KALRN: variants seen among roughly 807,000 people sequenced by gnomAD.
KALRN encodes the protein kalirin.
KALRN carries 70 observed loss-of-function variants against 353.7 expected under a neutral mutation model. That is an observed-to-expected ratio of 0.20 (90% CI 0.16 to 0.24). The LOEUF is 0.24. KALRN is among the 10% of genes least tolerant of loss of function. The probability of loss-of-function intolerance (pLI) is 1.00; values close to 1 mark genes in which losing one functional copy is unlikely to be tolerated. For synonymous variants in KALRN, 1,391 were observed against 1,434.8 expected, an observed-to-expected ratio of 0.97 and a Z score of 0.69; for missense variants, 2,791 against 3,756.7, an observed-to-expected ratio of 0.74 and a Z score of 6.72.
chr3:124,276,760 C>T (rs946618181), intron 5 of KALRN, among the ~76,000 whole-genome samples: 2 of 152,218 alleles, frequency 1.3e-5, no homozygotes, highest in Non-Finnish European at 2.9e-5. Flanking sequence ...CCAAAATCAT[C>T]CAGTCCATGG....
intron 27 of KALRN, 143 bp downstream of exon 27, chr3:124,477,477 G>A (rs2061538245): frequency 3.1e-6 from 2 of 652,218 alleles, no homozygotes; most frequent in South Asian, 3.9e-5. Context: ...TGGAAAAAAA[G>A]CAAAAACAGT....
chr3:124,586,456 ACT>A (rs10575650), intron 34 of KALRN, among the ~76,000 whole-genome samples: 3,349 of 152,046 alleles, frequency 0.022, 102 homozygotes, highest in African/African-American at 0.076. Context: ...CTTCAGGGTA[ACT>A]CTCTGGGCGT....
At chr3:124,712,861 C>A (rs2062959062) in intron 57 of KALRN, 74 bp from the exon 58 acceptor site, 4 of 1,075,064 alleles carry the variant, frequency 3.7e-6, no homozygotes, top group Non-Finnish European at 5.5e-6. Flanking sequence ...TCCCACAAAA[C>A]TTTACTTATC....
chr3:124,100,909 C>T (rs1416523421), intron 1 of KALRN, among the ~76,000 whole-genome samples: 2 of 152,212 alleles, frequency 1.3e-5, no homozygotes, highest in Non-Finnish European at 2.9e-5. Flanking sequence ...ATTCTAATGG[C>T]AGCCAGAGTT....
intron 1 of KALRN, among the ~76,000 whole-genome samples, chr3:124,178,803 ATTTAT>A (rs1440839384): frequency 6.6e-6 from 1 of 152,290 alleles, no homozygotes; most frequent in Middle Eastern, 3.4e-3. Context: ...GCTACATTAA[ATTTAT>A]TTAAATATTT....
rs1361773277 is a variant in KALRN, at chr3:124,456,685, C to T, written c.3811C>T (p.His1271Tyr). The T allele has an allele frequency of 8.7e-6, 14 of 1,613,174 alleles. No homozygotes were observed. The highest frequency in any genetic ancestry group is 1.2e-5 in the Non-Finnish European group (14 of 1,179,476). Residue 1271 changes from histidine to tyrosine, a missense_variant, in exon 23 of 60, where the codon CAC (histidine) becomes TAC (tyrosine). Transcript: ENST00000682506. ...GGAGGTCAAGCTGCGGGACGCCAAC[C>T]ACGAAGTCAATGAAGAGAAGCGGAA... Reference protein sequence around the residue: ...DREVKLRDANHEVNEEKRKSA... With the variant: ...DREVKLRDANYEVNEEKRKSA...
rs181107244 is a variant in KALRN, at chr3:124,618,306, G to A, written c.5183-14114G>A. On this transcript the variant is annotated intron_variant, in intron 34 of 59. Transcript: ENST00000682506. ...TTTTTTTTGTATTTTTAGTAGAGAC[G>A]GAGTTTCACCATGTTAGCCAGGATG... is the stretch of plus-strand genomic sequence containing the variant. Among the ~76,000 whole-genome samples, 681 of 150,370 alleles carry A rather than the reference G, an allele frequency of 4.5e-3. 3 individuals are homozygous for A. The highest frequency in any genetic ancestry group is 0.016 in the African/African-American group (644 of 40,884).
intron 1 of KALRN, among the ~76,000 whole-genome samples, chr3:124,123,421 C>G (rs1419013378): frequency 6.6e-6 from 1 of 152,136 alleles, no homozygotes; most frequent in Non-Finnish European, 1.5e-5. Context: ...TAATCCACAG[C>G]AAAGCACTAA....
chr3:124,254,401 G>A (rs2071607426), intron 3 of KALRN, among the ~76,000 whole-genome samples: 1 of 132,488 alleles, frequency 7.5e-6, no homozygotes, highest in African/African-American at 3.1e-5. Context: ...TCAAGATCAA[G>A]TGTTCTATGC....
intron 34 of KALRN, among the ~76,000 whole-genome samples, chr3:124,620,519 A>T (rs2079146913): frequency 6.6e-6 from 1 of 152,192 alleles, no homozygotes; most frequent in African/African-American, 2.4e-5. Context: ...GCAGAAGTAA[A>T]TGGGTGTGTA....
At chr3:124,104,317 C>G (rs1458271178) in intron 1 of KALRN, among the ~76,000 whole-genome samples, 1 of 152,178 alleles carries the variant, frequency 6.6e-6, no homozygotes, top group African/African-American at 2.4e-5. Context: ...GTCTTCTTGT[C>G]TTCGTGAAGT....
At chr3:124,136,048 C>T (rs1156507167) in intron 1 of KALRN, among the ~76,000 whole-genome samples, 1 of 152,128 alleles carries the variant, frequency 6.6e-6, no homozygotes, top group Non-Finnish European at 1.5e-5. Context: ...ACAGTCTTTG[C>T]ACTCAGTATA....
chr3:124,295,531 A>T (rs545954332), intron 5 of KALRN, among the ~76,000 whole-genome samples: 1 of 152,228 alleles, frequency 6.6e-6, no homozygotes, highest in African/African-American at 2.4e-5. Flanking sequence ...TGGTTGAGGG[A>T]TCTGGTGCTG....
At chr3:124,518,956 A>G (rs1291722117) in intron 33 of KALRN, 1 of 990,690 alleles carries the variant, frequency 1.0e-6, no homozygotes, top group Non-Finnish European at 1.2e-6. Context: ...TCCCCACATC[A>G]TGAGAAAGAG....
Position 124,342,150 on chromosome 3 carries a change from C to CTTTATTTATTTATTTATTTA in KALRN, c.1648-4985_1648-4966dup, listed in dbSNP as rs6148051. Among the ~76,000 whole-genome samples, 868 of 150,724 alleles carry CTTTATTTATTTATTTATTTA rather than the reference C, an allele frequency of 5.8e-3. 4 individuals carry two copies. The highest frequency in any genetic ancestry group is 0.015 in the South Asian group (72 of 4,766). On this transcript the variant is annotated intron_variant, in intron 9 of 59. Coordinates refer to ENST00000682506, the MANE Select transcript of KALRN (RefSeq NM_001388419.1). Reference sequence around the variant, plus strand: ...ATTTCATTTAAGTCTGAGGGTATGCCTTTATTTATTTATTTATTTATTTAT... The same window carrying CTTTATTTATTTATTTATTTA: ...ATTTCATTTAAGTCTGAGGGTATGCCTTTATTTATTTATTTATTTATTTATTTATTTATTTATTTATTTAT...
chr3:124,720,834 G>A lies in KALRN; in HGVS notation c.*1364G>A, dbSNP rs1350795350. On this transcript the variant is annotated 3_prime_UTR_variant, in exon 60 of 60. Coordinates refer to ENST00000682506, the MANE Select transcript of KALRN (RefSeq NM_001388419.1). The stretch of plus-strand genomic sequence containing the variant: ...TCATGGGTTTTCTTTCTTTATTTTT[G>A]TTCATTTGTTTTGGAGGGAGGGAGC... The A allele has an allele frequency of 6.6e-6, 1 of 151,928 alleles. No individual in the cohort carries two copies. The highest frequency in any genetic ancestry group is 1.5e-5 in the Non-Finnish European group (1 of 67,946). 9.4% of individuals were successfully genotyped at this position (151,928 alleles called of 1,614,324 possible). A position where few individuals can be genotyped will look rare whatever the true frequency, so the allele number is the denominator to read the frequency against.
chr3:124,546,541 A>G (rs1003498874), intron 33 of KALRN, among the ~76,000 whole-genome samples: 23 of 152,162 alleles, frequency 1.5e-4, no homozygotes, highest in African/African-American at 5.1e-4. Flanking sequence ...ATGGACTCCA[A>G]TATAGAAGAG....
intron 1 of KALRN, among the ~76,000 whole-genome samples, chr3:124,151,431 T>A (rs2068090155): frequency 6.6e-6 from 1 of 152,238 alleles, no homozygotes; most frequent in African/African-American, 2.4e-5. Context: ...TTTTTGCATT[T>A]CCTTGATGGC....
At chr3:124,557,265 A>G (rs998596846) in intron 33 of KALRN, among the ~76,000 whole-genome samples, 4 of 152,014 alleles carry the variant, frequency 2.6e-5, no homozygotes, top group African/African-American at 9.7e-5. Context: ...GTATTGGGGC[A>G]GGGGGGCGGT....
Sources: gnomAD v4.1 joint callset for allele counts (sites outside exome capture counted in the v4.1 genomes callset) on GRCh38, gnomAD v4.1.1 for gene constraint, MANE v1.5 for transcripts, NCBI Gene and HGNC (gene_info 2026-07-23, HGNC 2026-07-21) for gene names.